ILDR2: variants seen among roughly 807,000 people sequenced by gnomAD.
ILDR2 encodes the protein immunoglobulin like domain containing receptor 2.
Under a neutral mutation model 66.8 loss-of-function variants are expected in ILDR2, and 25 were observed. That is an observed-to-expected ratio of 0.37 (90% confidence interval 0.27 to 0.52). The LOEUF (loss-of-function observed/expected upper bound fraction) is 0.52. Among genes scored for constraint, ILDR2 ranks in the 20% least tolerant of loss-of-function variants. The probability of loss-of-function intolerance (pLI) is 0.88; values close to 1 mark genes in which losing one functional copy is unlikely to be tolerated. For synonymous variants in ILDR2, 367 were observed against 357.2 expected (o/e 1.03, Z -0.31); for missense variants, 827 against 876.8 (o/e 0.94, Z 0.72).
chr1:166,973,013 T>C (rs1252693415), intron 1 of ILDR2, among the ~76,000 whole-genome samples: 1 of 152,166 alleles, frequency 6.6e-6, no homozygotes, highest in Non-Finnish European at 1.5e-5. Context: ...TCTACTTTGC[T>C]GAGGCTGAGA....
In ILDR2 at chr1:166,909,510, T is replaced by C. The variant is rs1392598902; in HGVS notation, c.*9845A>G. The C allele has an allele frequency of 6.6e-6, 1 of 151,686 alleles. No individual in the cohort carries two copies. The highest frequency in any genetic ancestry group is 2.4e-5 in the African/African-American group (1 of 41,264). 9.4% of individuals were successfully genotyped at this position (151,686 alleles called of 1,614,324 possible). A position where few individuals can be genotyped will look rare whatever the true frequency, so the allele number is the denominator to read the frequency against. ...CCTGTCATTTGCAACCAAAAATTTT[T>C]TTACTAATACAGCTGCCAAAGGAAT... On this transcript the variant is annotated 3_prime_UTR_variant, in exon 10 of 10. Transcript: ENST00000271417.
intron 5 of ILDR2, 111 bp from the exon 6 acceptor site, chr1:166,935,588 G>T: frequency 2.2e-6 from 2 of 904,920 alleles, no homozygotes; most frequent in Non-Finnish European, 3.3e-6. Context: ...GTGTGTATGT[G>T]CATGTGTGAG....
intron 3 of ILDR2, among the ~76,000 whole-genome samples, 163 bp downstream of exon 3, chr1:166,956,570 G>A (rs561653186): frequency 1.3e-5 from 2 of 152,286 alleles, no homozygotes; most frequent in East Asian, 1.9e-4. Context: ...AATAAGTACA[G>A]CTACTGCTCA....
In ILDR2 at chr1:166,920,987, C is replaced by T; in HGVS notation, c.1604G>A (p.Arg535His). ...GCTGGCGCCCTCGGGCCGCGCCTGG[C>T]GCTCCCGCGCGCTGCCCAGGTACGA... is the stretch of plus-strand genomic sequence containing the variant. Reference protein sequence around the residue: ...DHSYLGSARERQARPEGASRG... With the variant: ...DHSYLGSAREHQARPEGASRG... The change falls in exon 9 of 10, where the codon CGC becomes CAC. Residue 535 changes from arginine to histidine, a missense_variant. This residue lies in a region of ILDR2 where 390 missense variants were observed against 353.6 expected (regional missense o/e 1.10). Transcript: ENST00000271417. 3 of 1,493,718 alleles carry T rather than the reference C, an allele frequency of 2.0e-6. No individual in the cohort carries two copies. Among genetic ancestry groups the T allele is most frequent in the Non-Finnish European group, 1.8e-6 (2 of 1,132,956 alleles). The allele number at this position is 1,493,718 out of a possible 1,614,324, so 92.5% of individuals were successfully genotyped here.
At chr1:166,974,501 G>A (rs997703148) in intron 1 of ILDR2, among the ~76,000 whole-genome samples, 7 of 152,208 alleles carry the variant, frequency 4.6e-5, no homozygotes, top group African/African-American at 1.7e-4. Context: ...CTTTGATGCT[G>A]GGGAGAAGCC....
intron 3 of ILDR2, among the ~76,000 whole-genome samples, chr1:166,941,455 T>A (rs1661308411): frequency 6.6e-6 from 1 of 152,174 alleles, no homozygotes; most frequent in Non-Finnish European, 1.5e-5. Flanking sequence ...AGAAAGTGAT[T>A]AAGAGACAGC....
chr1:166,969,191 C>G lies in ILDR2; in HGVS notation c.46+6032G>C, dbSNP rs114935180. ...GGTCAGTTTGAGCCTCACCATCCCC[C>G]CTACACGCTGCCTCCTGGTGAGGCA... On this transcript the variant is annotated intron_variant, in intron 1 of 9. Coordinates refer to ENST00000271417, the MANE Select transcript of ILDR2 (RefSeq NM_199351.3). Among the ~76,000 whole-genome samples, 562 of 152,236 alleles carry G rather than the reference C, an allele frequency of 3.7e-3. 5 individuals are homozygous for G. Among genetic ancestry groups the G allele is most frequent in the African/African-American group, 0.012 (518 of 41,550 alleles).
chr1:166,919,092 G>A lies in ILDR2; in HGVS notation c.*263C>T, dbSNP rs60533124. 5,180 of 508,660 alleles carry A rather than the reference G, an allele frequency of 0.01. 234 individuals are homozygous for A. Among genetic ancestry groups the A allele is most frequent in the African/African-American group, 0.092 (4,777 of 52,198 alleles). The allele number at this position is 508,660 out of a possible 1,614,324, so 31.5% of individuals were successfully genotyped here. On this transcript the variant is annotated 3_prime_UTR_variant, in exon 10 of 10. Coordinates refer to ENST00000271417, the MANE Select transcript of ILDR2 (RefSeq NM_199351.3). ...AGGGAGGAGGCTGGGCAGGATAAACGCTATAGTTGAGAAACTCTGTATGTA... is the reference window on the plus strand; with the variant it reads ...AGGGAGGAGGCTGGGCAGGATAAACACTATAGTTGAGAAACTCTGTATGTA...
chr1:166,903,694 A>G (rs918288626), downstream of ILDR2, among the ~76,000 whole-genome samples: 2 of 152,194 alleles, frequency 1.3e-5, no homozygotes, highest in Non-Finnish European at 2.9e-5. Context: ...GGGCCCCTGC[A>G]GCCTCTTCAA....
rs1659489416 is a variant in ILDR2, at chr1:166,912,258, T to TA, written c.*7096dup. ...GAAAATAACTATCAATCTAGAATCATAATCAGTGAAATTATCTTTCAAGAA... is the reference window on the plus strand; with the variant it reads ...GAAAATAACTATCAATCTAGAATCATAAATCAGTGAAATTATCTTTCAAGAA... On this transcript the variant is annotated 3_prime_UTR_variant, in exon 10 of 10. Transcript: ENST00000271417. The TA allele has an allele frequency of 6.6e-6, 1 of 152,200 alleles. No individual in the cohort carries two copies. Among genetic ancestry groups the TA allele is most frequent in the African/African-American group, 2.4e-5 (1 of 41,466 alleles). The allele number at this position is 152,200 out of a possible 1,614,324, so 9.4% of individuals were successfully genotyped here. A position where few individuals can be genotyped will look rare whatever the true frequency, so the allele number is the denominator to read the frequency against.
intron 3 of ILDR2, among the ~76,000 whole-genome samples, chr1:166,946,206 T>C (rs949348339): frequency 6.6e-6 from 1 of 152,232 alleles, no homozygotes; most frequent in Non-Finnish European, 1.5e-5. Context: ...CACATCCCAG[T>C]TTTTATTCTA....
At chr1:166,938,235 G>A (rs1250112332) in intron 4 of ILDR2, among the ~76,000 whole-genome samples, 6 of 152,218 alleles carry the variant, frequency 3.9e-5, no homozygotes, top group Non-Finnish European at 7.3e-5. Flanking sequence ...GGAGCTCTTA[G>A]GTTTAGATGA....
At chr1:166,938,442 GC>G (rs1661112930) in intron 4 of ILDR2, among the ~76,000 whole-genome samples, 1 of 152,166 alleles carries the variant, frequency 6.6e-6, no homozygotes, top group Non-Finnish European at 1.5e-5. Context: ...CTAGTTTCAA[GC>G]ACTGCAATGT....
chr1:166,975,341 C>A lies in ILDR2; in HGVS notation c.-73G>T. The A allele has an allele frequency of 7.2e-7, 1 of 1,392,736 alleles. No individual in the cohort carries two copies. Among genetic ancestry groups the A allele is most frequent in the Non-Finnish European group, 9.8e-7 (1 of 1,021,658 alleles). The allele number at this position is 1,392,736 out of a possible 1,614,324, so 86.3% of individuals were successfully genotyped here. On this transcript the variant is annotated 5_prime_UTR_variant, in exon 1 of 10. Coordinates refer to ENST00000271417, the MANE Select transcript of ILDR2 (RefSeq NM_199351.3). Reference sequence around the variant, plus strand: ...GGCTGGAACAGAAGGATCGCTGTCACCCCGCGGCAGCGGGCGGCGGCGGAG... The same window carrying A: ...GGCTGGAACAGAAGGATCGCTGTCAACCCGCGGCAGCGGGCGGCGGCGGAG...
At chr1:166,961,073 G>A (rs1557955619) in intron 1 of ILDR2, among the ~76,000 whole-genome samples, 1 of 152,104 alleles carries the variant, frequency 6.6e-6, no homozygotes, top group Non-Finnish European at 1.5e-5. Context: ...GGCACTGCTT[G>A]GGAAATCACA....
At chr1:166,954,926 C>T (rs1387870073) in intron 3 of ILDR2, among the ~76,000 whole-genome samples, 2 of 152,126 alleles carry the variant, frequency 1.3e-5, no homozygotes, top group African/African-American at 4.8e-5. Flanking sequence ...TGGTTTTTAC[C>T]TGGCCTCCTT....
chr1:166,957,456 A>AG (rs1446300042), intron 2 of ILDR2, among the ~76,000 whole-genome samples: 1 of 152,154 alleles, frequency 6.6e-6, no homozygotes, highest in African/African-American at 2.4e-5. Flanking sequence ...TGGCTGAAGA[A>AG]GTTTTTCCCC....
rs1659658860 is a variant in ILDR2 at position 166,916,752 on chromosome 1, GT to G, written c.*2602del. On this transcript the variant is annotated 3_prime_UTR_variant, in exon 10 of 10. Coordinates refer to ENST00000271417, the MANE Select transcript of ILDR2 (RefSeq NM_199351.3). ...GGTCCCAACTCCCAAGGTTAATTCAGTAGCCTGCTATCTTCTTTGTACTTTT... is the reference window on the plus strand; with the variant it reads ...GGTCCCAACTCCCAAGGTTAATTCAGAGCCTGCTATCTTCTTTGTACTTTT... 1 of 152,206 alleles carries G rather than the reference GT, an allele frequency of 6.6e-6. No individual in the cohort carries two copies. The highest frequency in any genetic ancestry group is 1.5e-5 in the Non-Finnish European group (1 of 68,032). The allele number at this position is 152,206 out of a possible 1,614,324, so 9.4% of individuals were successfully genotyped here. A position where few individuals can be genotyped will look rare whatever the true frequency, so the allele number is the denominator to read the frequency against.
intron 1 of ILDR2, among the ~76,000 whole-genome samples, chr1:166,971,139 AC>A (rs1384839890): frequency 3.9e-5 from 6 of 152,196 alleles, no homozygotes; most frequent in African/African-American, 1.4e-4. Context: ...ACTCCAGAGT[AC>A]AGATCTTTAT....
Sources: gnomAD v4.1 joint callset for allele counts (sites outside exome capture counted in the v4.1 genomes callset) on GRCh38, gnomAD v4.1.1 for gene constraint, gnomAD v4.1.1 regional missense constraint, MANE v1.5 for transcripts, NCBI Gene and HGNC (gene_info 2026-07-23, HGNC 2026-07-21) for gene names.